Variants in CEP112 observed in about 807,000 individuals in gnomAD.
CEP112 encodes centrosomal protein of 112 kDa.
Under a neutral mutation model 153.0 loss-of-function variants are expected in CEP112, and 127 were observed. The ratio of observed to expected loss-of-function variants is 0.83; its 90% confidence interval spans 0.72 to 0.96. CEP112 has a LOEUF of 0.96. Among genes scored for constraint, CEP112 ranks in the 40% least tolerant of loss-of-function variants. The pLI is 0.00. For synonymous variants in CEP112, 358 were observed against 374.4 expected, an observed-to-expected ratio of 0.96 and a Z score of 0.51; for missense variants, 1,089 against 1,101.2, an observed-to-expected ratio of 0.99 and a Z score of 0.16.
At chr17:66,139,672 T>A (rs771621584) in intron 4 of CEP112, among the ~76,000 whole-genome samples, 7 of 152,104 alleles carry the variant, frequency 4.6e-5, no homozygotes, top group Non-Finnish European at 7.4e-5. Flanking sequence ...TATGCCAATG[T>A]ATTGGATAAC....
intron 6 of CEP112, among the ~76,000 whole-genome samples, chr17:66,100,003 CT>C (rs2068501301): frequency 6.6e-6 from 1 of 151,558 alleles, no homozygotes; most frequent in African/African-American, 2.4e-5. Context: ...CATAAAAATA[CT>C]ACAAATCAAA....
chr17:65,738,739 C>T lies in CEP112; in HGVS notation c.2607+4329G>A, dbSNP rs559987819. 9.1e-4 allele frequency among the ~76,000 whole-genome samples: 139 copies of T among 152,090 alleles called. 1 individual carries two copies. Among genetic ancestry groups the T allele is most frequent in the African/African-American group, 3.2e-3 (132 of 41,468 alleles). On this transcript the variant is annotated intron_variant, in intron 23 of 26. Coordinates refer to ENST00000535342, the MANE Select transcript of CEP112 (RefSeq NM_001199165.4). ...TAAAAAAACATGGATGCAAATATGC[C>T]GCAATGTTAATTAATGTTGATTACA...
intron 11 of CEP112, among the ~76,000 whole-genome samples, chr17:66,056,994 T>C (rs886851425): frequency 1.3e-5 from 2 of 152,178 alleles, no homozygotes; most frequent in African/African-American, 2.4e-5. Flanking sequence ...AAGATGAGGC[T>C]TGAAAGATCA....
chr17:66,146,643 C>CCCTA (rs1368475185), intron 4 of CEP112, among the ~76,000 whole-genome samples: 1 of 152,022 alleles, frequency 6.6e-6, no homozygotes, highest in Non-Finnish European at 1.5e-5. Flanking sequence ...AAAACTGAAA[C>CCCTA]CCTACAGTCA....
At chr17:66,011,665 G>C (rs1347633139) in intron 16 of CEP112, among the ~76,000 whole-genome samples, 1 of 152,156 alleles carries the variant, frequency 6.6e-6, no homozygotes, top group Non-Finnish European at 1.5e-5. Context: ...TATGTGCCAT[G>C]TGCAGATGAG....
chr17:66,040,948 A>C (rs2065948395), intron 12 of CEP112, among the ~76,000 whole-genome samples: 1 of 152,184 alleles, frequency 6.6e-6, no homozygotes, highest in Non-Finnish European at 1.5e-5. Context: ...TTCCTCTTTA[A>C]GTTTTATCAT....
chr17:66,060,313 TA>T (rs2066875107), intron 11 of CEP112, among the ~76,000 whole-genome samples: 3 of 152,074 alleles, frequency 2.0e-5, no homozygotes, highest in Admixed American at 2.0e-4. Context: ...AAAAATGAAA[TA>T]AAGTATCCAT....
At chr17:66,060,633 A>G (rs998305427) in intron 11 of CEP112, among the ~76,000 whole-genome samples, 14 of 152,202 alleles carry the variant, frequency 9.2e-5, no homozygotes, top group Admixed American at 3.9e-4. Flanking sequence ...TTTGACAAAA[A>G]TGCCAAGAAC....
chr17:66,149,277 A>C (rs1244664679), intron 4 of CEP112, among the ~76,000 whole-genome samples: 1 of 152,156 alleles, frequency 6.6e-6, no homozygotes, highest in African/African-American at 2.4e-5. Flanking sequence ...ATTTGTCAGG[A>C]TATTGGCCTA....
At position 66,154,408 on chromosome 17, in the gene CEP112, A is replaced by G. The variant is rs113480827; in HGVS notation, c.470+20636T>C. 8.7e-3 allele frequency among the ~76,000 whole-genome samples: 1,318 copies of G among 151,830 alleles called. 17 individuals carry two copies. Among genetic ancestry groups the G allele is most frequent in the African/African-American group, 0.03 (1,250 of 41,382 alleles). On this transcript the variant is annotated intron_variant, in intron 4 of 26. Transcript: ENST00000535342. Reference sequence around the variant, plus strand: ...GGGGAGCCTGTAATCTCAGCTACTCAGAAGGCTGAGGCAGGAGAATCACTT... The same window carrying G: ...GGGGAGCCTGTAATCTCAGCTACTCGGAAGGCTGAGGCAGGAGAATCACTT...
intron 12 of CEP112, 37 bp from the exon 13 acceptor site, chr17:66,030,060 T>G: frequency 6.3e-7 from 1 of 1,586,502 alleles, no homozygotes; most frequent in Non-Finnish European, 8.6e-7. Flanking sequence ...AGTCTCTGAC[T>G]CAGTTGTAAC....
intron 16 of CEP112, among the ~76,000 whole-genome samples, chr17:66,010,326 T>C (rs2064463967): frequency 6.6e-6 from 1 of 152,146 alleles, no homozygotes; most frequent in Admixed American, 6.5e-5. Context: ...TGAAAAAATA[T>C]AGCTTTTTTA....
At chr17:66,002,060 A>AGG (rs2064078555) in intron 17 of CEP112, among the ~76,000 whole-genome samples, 1 of 152,240 alleles carries the variant, frequency 6.6e-6, no homozygotes, top group East Asian at 1.9e-4. Flanking sequence ...ATTTTTAGAA[A>AGG]CAATAGCAAC....
At chr17:65,786,032 C>T (rs1015565039) in intron 21 of CEP112, among the ~76,000 whole-genome samples, 1 of 151,970 alleles carries the variant, frequency 6.6e-6, no homozygotes, top group Non-Finnish European at 1.5e-5. Context: ...ATCTTAACAA[C>T]GTTAAGTTTT....
At chr17:66,078,420 G>A (rs1221854941) in intron 8 of CEP112, among the ~76,000 whole-genome samples, 1 of 151,864 alleles carries the variant, frequency 6.6e-6, no homozygotes, top group Non-Finnish European at 1.5e-5. Flanking sequence ...ACCACGCCCG[G>A]CTAATTTTTG....
intron 23 of CEP112, among the ~76,000 whole-genome samples, chr17:65,723,773 CATT>C (rs1277449365): frequency 5.3e-5 from 8 of 152,180 alleles, no homozygotes; most frequent in Non-Finnish European, 1.2e-4. Context: ...CCCCTTTCAT[CATT>C]ATTTACACAT....
chr17:66,085,738 G>T (rs1438584113), intron 8 of CEP112, among the ~76,000 whole-genome samples: 1 of 152,104 alleles, frequency 6.6e-6, no homozygotes, highest in Non-Finnish European at 1.5e-5. Flanking sequence ...CAGCACTTTG[G>T]GAGGCCGAGG....
chr17:66,129,741 T>C lies in CEP112; in HGVS notation c.642+5A>G. 1 of 1,600,238 alleles carries C rather than the reference T, an allele frequency of 6.2e-7. No homozygotes were observed. Among genetic ancestry groups the C allele is most frequent in the Non-Finnish European group, 8.5e-7 (1 of 1,170,232 alleles). ...TATATACATAAAGCAAATACTTTTT[T>C]TTACCCCAAGATTCCAACTATTAAG... On this transcript the variant is annotated splice_donor_5th_base_variant and intron_variant, in intron 6 of 26. Transcript: ENST00000535342.
chr17:65,639,377 G>GA (rs772588271), intron 25 of CEP112, among the ~76,000 whole-genome samples: 49 of 152,082 alleles, frequency 3.2e-4, no homozygotes, highest in Admixed American at 1.0e-3. Context: ...ATTTTTCAAG[G>GA]AAAAAATATG....
Sources: allele counts gnomAD v4.1 joint callset (sites outside exome capture counted in the v4.1 genomes callset), GRCh38; gene constraint gnomAD v4.1.1; transcripts MANE v1.5; gene names NCBI Gene and HGNC (gene_info 2026-07-23, HGNC 2026-07-21).